TRAPPC9: variants seen among roughly 807,000 people sequenced by gnomAD.
TRAPPC9 encodes trafficking protein particle complex subunit 9.
TRAPPC9 carries 83 observed loss-of-function variants against 124.0 expected under a neutral mutation model. The ratio of observed to expected loss-of-function variants is 0.67; its 90% confidence interval spans 0.56 to 0.80. The LOEUF (loss-of-function observed/expected upper bound fraction) is 0.80. Among genes scored for constraint, TRAPPC9 ranks in the 30% least tolerant of loss-of-function variants. The probability of loss-of-function intolerance (pLI) is 0.00; values close to 1 mark genes in which losing one functional copy is unlikely to be tolerated. For synonymous variants in TRAPPC9, 638 were observed against 617.5 expected, an observed-to-expected ratio of 1.03 and a Z score of -0.49; for missense variants, 1,302 against 1,508.3, an observed-to-expected ratio of 0.86 and a Z score of 2.27.
At chr8:140,426,565 C>G (rs1483972085) in intron 5 of TRAPPC9, 50 bp downstream of exon 5, 1 of 1,569,846 alleles carries the variant, frequency 6.4e-7, no homozygotes. Context: ...CACCATGAAA[C>G]AAGCACTTAA....
At chr8:140,263,856 C>G (rs1481856307) in intron 15 of TRAPPC9, among the ~76,000 whole-genome samples, 1 of 152,186 alleles carries the variant, frequency 6.6e-6, no homozygotes, top group African/African-American at 2.4e-5. Context: ...GCTGGCCTGG[C>G]TACCCGGAGC....
At chr8:140,267,347 C>T (rs146442791) in intron 15 of TRAPPC9, among the ~76,000 whole-genome samples, 9 of 152,364 alleles carry the variant, frequency 5.9e-5, no homozygotes, top group Non-Finnish European at 1.3e-4. Flanking sequence ...AGAACAACTG[C>T]TATCTGTAAA....
At chr8:140,191,248 C>T (rs1222136495) in intron 17 of TRAPPC9, among the ~76,000 whole-genome samples, 1 of 152,308 alleles carries the variant, frequency 6.6e-6, no homozygotes, top group African/African-American at 2.4e-5. Flanking sequence ...CCATATTATT[C>T]TTATTTTTCA....
chr8:140,152,670 G>T (rs1040085981), intron 17 of TRAPPC9, among the ~76,000 whole-genome samples: 1 of 151,966 alleles, frequency 6.6e-6, no homozygotes, highest in Non-Finnish European at 1.5e-5. Context: ...GCCCGGCCAT[G>T]TTGCCATCTT....
chr8:139,955,208 C>T (rs1010652132), intron 19 of TRAPPC9, among the ~76,000 whole-genome samples: 47 of 152,252 alleles, frequency 3.1e-4, no homozygotes, highest in African/African-American at 1.1e-3. Context: ...CCTACCCTCA[C>T]CTCCCCGTTT....
chr8:140,424,133 AGTTT>A (rs544156554), intron 5 of TRAPPC9, among the ~76,000 whole-genome samples: 6,286 of 150,628 alleles, frequency 0.042, 369 homozygotes, highest in African/African-American at 0.13. Flanking sequence ...CATTAAAACT[AGTTT>A]GTTTGTTTGT....
intron 19 of TRAPPC9, chr8:139,932,153 C>T: frequency 2.7e-6 from 1 of 371,006 alleles, no homozygotes; most frequent in East Asian, 7.3e-5. Flanking sequence ...GGCTTTGGTG[C>T]TCAGAAGCAT....
intron 2 of TRAPPC9, among the ~76,000 whole-genome samples, chr8:140,441,895 A>G (rs1013507892): frequency 2.0e-5 from 3 of 152,134 alleles, no homozygotes; most frequent in Non-Finnish European, 4.4e-5. Context: ...GTAGCTTGGC[A>G]TGGTGGCTCC....
At chr8:139,906,191 A>C (rs1486608643) in intron 20 of TRAPPC9, among the ~76,000 whole-genome samples, 1 of 152,186 alleles carries the variant, frequency 6.6e-6, no homozygotes, top group African/African-American at 2.4e-5. Flanking sequence ...TGTGACCCCC[A>C]CTCTGGAAGC....
At chr8:140,385,612 A>C (rs1301178830) in intron 7 of TRAPPC9, among the ~76,000 whole-genome samples, 3 of 152,186 alleles carry the variant, frequency 2.0e-5, no homozygotes, top group Non-Finnish European at 4.4e-5. Context: ...CCAAGACTAA[A>C]CCAGTAAAAA....
At chr8:139,804,788 C>T (rs930468295) in intron 21 of TRAPPC9, among the ~76,000 whole-genome samples, 31 of 151,682 alleles carry the variant, frequency 2.0e-4, no homozygotes, top group African/African-American at 6.3e-4. Flanking sequence ...CAAGCACCAC[C>T]GCCGCAGCCA....
At chr8:139,875,773 C>T (rs1829279845) in intron 21 of TRAPPC9, among the ~76,000 whole-genome samples, 1 of 152,266 alleles carries the variant, frequency 6.6e-6, no homozygotes, top group Admixed American at 6.5e-5. Context: ...GTCAACAAAA[C>T]CACCCAGTTC....
At chr8:139,855,874 T>C (rs1827768609) in intron 21 of TRAPPC9, among the ~76,000 whole-genome samples, 1 of 152,194 alleles carries the variant, frequency 6.6e-6, no homozygotes, top group Non-Finnish European at 1.5e-5. Context: ...TCTTATTTCA[T>C]CAGTAACAGG....
chr8:140,211,555 T>A (rs2063062794), intron 17 of TRAPPC9, among the ~76,000 whole-genome samples: 1 of 152,152 alleles, frequency 6.6e-6, no homozygotes, highest in Non-Finnish European at 1.5e-5. Context: ...CACAACCCTG[T>A]CTCTTAAGAA....
chr8:140,145,963 C>T (rs747572540), intron 17 of TRAPPC9, among the ~76,000 whole-genome samples: 1 of 152,158 alleles, frequency 6.6e-6, no homozygotes, highest in Non-Finnish European at 1.5e-5. Context: ...AGGCCAATTC[C>T]TTTTCAATAA....
intron 9 of TRAPPC9, among the ~76,000 whole-genome samples, chr8:140,349,101 A>G: frequency 1.2e-5 from 1 of 80,284 alleles, no homozygotes; most frequent in Non-Finnish European, 2.4e-5. Context: ...GGGAAGGGCA[A>G]GCGGGGGGGC....
chr8:140,233,335 G>C (rs1029924012), intron 16 of TRAPPC9, among the ~76,000 whole-genome samples: 3 of 151,968 alleles, frequency 2.0e-5, no homozygotes, highest in Admixed American at 6.6e-5. Flanking sequence ...CTCCCGAGTA[G>C]CTGGGATCAC....
chr8:140,065,354 T>C (rs1842851554), intron 17 of TRAPPC9, among the ~76,000 whole-genome samples: 1 of 152,224 alleles, frequency 6.6e-6, no homozygotes, highest in Non-Finnish European at 1.5e-5. Context: ...AAGACATCCA[T>C]TAGACCTAGC....
intron 17 of TRAPPC9, among the ~76,000 whole-genome samples, chr8:140,187,925 TG>T (rs1437752153): frequency 1.3e-5 from 2 of 152,190 alleles, no homozygotes; most frequent in Admixed American, 1.3e-4. Context: ...CTGCCTGCCT[TG>T]GCCTCCCAAA....
Sources: allele counts gnomAD v4.1 joint callset (sites outside exome capture counted in the v4.1 genomes callset), GRCh38; gene constraint gnomAD v4.1.1; transcripts MANE v1.5; gene names NCBI Gene and HGNC (gene_info 2026-07-23, HGNC 2026-07-21).